The following RAF1 variants were observed in gnomAD, a reference collection of about 807,000 sequenced individuals.
RAF1 encodes the protein Raf-1 proto-oncogene, serine/threonine kinase.
Under a neutral mutation model 81.1 loss-of-function variants are expected in RAF1, and 27 were observed. The ratio of observed to expected loss-of-function variants is 0.33; its 90% confidence interval spans 0.25 to 0.46. RAF1 has a LOEUF of 0.46. Ranked by LOEUF, RAF1 falls within the 20% of genes least tolerant of loss-of-function variation. The pLI is 1.00. For synonymous variants in RAF1, 298 were observed against 294.0 expected (o/e 1.01, Z -0.14); for missense variants, 598 against 826.0 (o/e 0.72, Z 3.38).
In RAF1 at chr3:12,663,917, G is replaced by T. The variant is rs560310819; in HGVS notation, c.-131C>A. 2 of 398,246 alleles carry T rather than the reference G, an allele frequency of 5.0e-6. No homozygotes were observed. Among genetic ancestry groups the T allele is most frequent in the Admixed American group, 4.4e-5 (1 of 22,722 alleles). 24.7% of individuals were successfully genotyped at this position (398,246 alleles called of 1,614,324 possible). On this transcript the variant is annotated 5_prime_UTR_variant, in exon 1 of 18. Transcript: ENST00000442415. ...GGAGCGGGAGGCGGTCACATTCGGC[G>T]CGTCCCCAGCCCAGGGGACGGAGCC...
intron 3 of RAF1, among the ~76,000 whole-genome samples, chr3:12,610,324 C>T (rs958919117): frequency 3.2e-4 from 49 of 152,312 alleles, no homozygotes; most frequent in African/African-American, 1.1e-3. Flanking sequence ...ATATAATTAC[C>T]TATACAGCAC....
chr3:12,609,699 T>C (rs887770782), intron 3 of RAF1, among the ~76,000 whole-genome samples: 2 of 152,290 alleles, frequency 1.3e-5, no homozygotes, highest in South Asian at 4.1e-4. Flanking sequence ...CAGGCTGGTC[T>C]TGAATCCCTG....
At chr3:12,663,736 C>T (rs1473323058) in intron 1 of RAF1, 77 bp downstream of exon 1, 1 of 394,958 alleles carries the variant, frequency 2.5e-6, no homozygotes, top group African/African-American at 2.1e-5. Context: ...CCACCCAGGC[C>T]CGGTCGCCCT....
intron 16 of RAF1, 46 bp downstream of exon 15, chr3:12,585,076 C>A (rs776076989): frequency 5.6e-6 from 9 of 1,614,096 alleles, no homozygotes; most frequent in Non-Finnish European, 7.6e-6. Context: ...GGCGGAGGCC[C>A]AGGGGCTCCC....
At chr3:12,645,952 T>C (rs1344101495) in intron 1 of RAF1, among the ~76,000 whole-genome samples, 1 of 152,204 alleles carries the variant, frequency 6.6e-6, no homozygotes, top group African/African-American at 2.4e-5. Flanking sequence ...AAAGACTGTA[T>C]ATACCATGTC....
At chr3:12,591,096 CA>C in intron 12 of RAF1, 122 bp from the exon 12 acceptor site, 1 of 909,882 alleles carries the variant, frequency 1.1e-6, no homozygotes, top group Non-Finnish European at 1.6e-6. Context: ...ACACCACCCC[CA>C]GTCCCAAAAA....
intron 2 of RAF1, among the ~76,000 whole-genome samples, chr3:12,614,377 G>A (rs116441871): frequency 0.017 from 2,654 of 151,912 alleles, 30 homozygotes; most frequent in Non-Finnish European, 0.024. Context: ...AGTGGGTAAG[G>A]GGTACATCAG....
chr3:12,637,651 G>A (rs1216694760), intron 1 of RAF1, among the ~76,000 whole-genome samples: 2 of 151,734 alleles, frequency 1.3e-5, no homozygotes, highest in African/African-American at 2.4e-5. Flanking sequence ...CAGGGAGTTC[G>A]AGACCAGCCT....
rs11401342 is a variant in RAF1, at chr3:12,645,097, C to CAAAA, written c.-27+18712_-27+18715dup. 6.4e-3 allele frequency among the ~76,000 whole-genome samples: 415 copies of CAAAA among 65,030 alleles called. 5 individuals are homozygous for CAAAA. The highest frequency in any genetic ancestry group is 0.02 in the African/African-American group (391 of 19,952). 42.7% of individuals were successfully genotyped at this position (65,030 alleles called of 152,430 possible). On this transcript the variant is annotated intron_variant, in intron 1 of 17. Transcript: ENST00000442415. ...CTGGTGACAGAGCGAGACTCAGTCT[C>CAAAA]AAAAAAAAAAAAAAAAAAAAAAAAT...
chr3:12,593,661 C>T (rs918713466), intron 11 of RAF1, among the ~76,000 whole-genome samples: 1 of 151,952 alleles, frequency 6.6e-6, no homozygotes, highest in African/African-American at 2.4e-5. Context: ...ATATGGGAAA[C>T]GTGTATAACC....
intron 7 of RAF1, among the ~76,000 whole-genome samples, chr3:12,603,851 T>G (rs1402874324): frequency 6.6e-6 from 1 of 152,238 alleles, no homozygotes; most frequent in Non-Finnish European, 1.5e-5. Flanking sequence ...TCTTTAAATA[T>G]CTTAGACACT....
intron 1 of RAF1, among the ~76,000 whole-genome samples, chr3:12,620,118 T>A (rs979574756): frequency 2.6e-5 from 4 of 152,158 alleles, no homozygotes; most frequent in Non-Finnish European, 5.9e-5. Context: ...TCATTTAATT[T>A]GTGTAAGAAC....
Position 12,585,669 on chromosome 3 carries a change from C to G in RAF1, c.1596+12G>C. Reference sequence around the variant, plus strand: ...TATACCAGAGACTGCTGGTGGGAGCCCAGATTCTCACCATCCAGAGGACAG... The same window carrying G: ...TATACCAGAGACTGCTGGTGGGAGCGCAGATTCTCACCATCCAGAGGACAG... On this transcript the variant is annotated intron_variant, in intron 15 of 17. Transcript: ENST00000442415. The G allele has an allele frequency of 6.3e-7, 1 of 1,598,242 alleles. No individual in the cohort carries two copies. The highest frequency in any genetic ancestry group is 8.6e-7 in the Non-Finnish European group (1 of 1,165,660).
intron 2 of RAF1, among the ~76,000 whole-genome samples, chr3:12,614,071 G>C (rs2059298821): frequency 6.6e-6 from 1 of 152,174 alleles, no homozygotes; most frequent in Non-Finnish European, 1.5e-5. Context: ...AGAAAGGAAA[G>C]GTCGTGAACA....
At chr3:12,625,825 TCACA>T (rs942306151) in intron 1 of RAF1, among the ~76,000 whole-genome samples, 3 of 152,108 alleles carry the variant, frequency 2.0e-5, no homozygotes, top group Non-Finnish European at 4.4e-5. Flanking sequence ...TGAGATCACT[TCACA>T]CACACACGAG....
Position 12,618,427 on chromosome 3 carries a change from T to A in RAF1, c.207+88A>T. 4 of 1,358,966 alleles carry A rather than the reference T, an allele frequency of 2.9e-6. No homozygotes were observed. The South Asian group carries it at 4.7e-5, about 16-fold the overall frequency. The allele number at this position is 1,358,966 out of a possible 1,614,324, so 84.2% of individuals were successfully genotyped here. A position where few individuals can be genotyped will look rare whatever the true frequency, so the allele number is the denominator to read the frequency against. ...TAAAGACCCTAAATGACAATGAATA[T>A]TTTGCCTGTCTTTAAGTTGAACATG... is the stretch of plus-strand genomic sequence containing the variant. On this transcript the variant is annotated intron_variant, in intron 2 of 17. Transcript: ENST00000442415.
chr3:12,586,489 C>T (rs571497751), intron 14 of RAF1, among the ~76,000 whole-genome samples: 1 of 152,308 alleles, frequency 6.6e-6, no homozygotes, highest in East Asian at 1.9e-4. Context: ...ATTCACACCT[C>T]CTTAAATCTG....
chr3:12,617,174 G>A (rs191734270), intron 2 of RAF1, among the ~76,000 whole-genome samples: 9 of 152,082 alleles, frequency 5.9e-5, no homozygotes, highest in East Asian at 1.9e-4. Flanking sequence ...GTGCAGTGGC[G>A]CAATCCTGGC....
At position 12,584,455 on chromosome 3, in the gene RAF1, AGTG is replaced by A; in HGVS notation, c.*56_*58del. ...TGCCTCTGGAGAAAGGGAGCAGAAA[AGTG>A]GTGCCTGCTGGCTTCTCCTCCTCCC... On this transcript the variant is annotated 3_prime_UTR_variant, in exon 18 of 18. Coordinates refer to ENST00000442415, the MANE Select transcript of RAF1 (RefSeq NM_001354689.3). 2 of 1,606,404 alleles carry A rather than the reference AGTG, an allele frequency of 1.2e-6. No individual in the cohort carries two copies. The highest frequency in any genetic ancestry group is 2.2e-5 in the South Asian group (2 of 90,862).
Sources: allele counts gnomAD v4.1 joint callset (sites outside exome capture counted in the v4.1 genomes callset), GRCh38; gene constraint gnomAD v4.1.1; transcripts MANE v1.5; gene names NCBI Gene and HGNC (gene_info 2026-07-23, HGNC 2026-07-21).